KIAA1328: variants seen among roughly 807,000 people sequenced by gnomAD.
KIAA1328 encodes the protein KIAA1328, also known as protein hinderin.
KIAA1328 carries 52 observed loss-of-function variants against 68.1 expected under a neutral mutation model. The ratio of observed to expected loss-of-function variants is 0.76; its 90% confidence interval spans 0.61 to 0.96. The LOEUF (loss-of-function observed/expected upper bound fraction) is 0.96. Ranked by LOEUF, KIAA1328 falls within the 40% of genes least tolerant of loss-of-function variation. The probability of loss-of-function intolerance (pLI) is 0.00; values close to 1 mark genes in which losing one functional copy is unlikely to be tolerated. For synonymous variants in KIAA1328, 232 were observed against 239.4 expected (o/e 0.97, Z 0.28); for missense variants, 641 against 677.6 (o/e 0.95, Z 0.60).
At chr18:37,197,235 GT>G (rs1322746534) in intron 9 of KIAA1328, among the ~76,000 whole-genome samples, 3 of 151,792 alleles carry the variant, frequency 2.0e-5, no homozygotes, top group African/African-American at 7.3e-5. Flanking sequence ...CTAGCTAAAA[GT>G]TTGTTGATTT....
intron 6 of KIAA1328, among the ~76,000 whole-genome samples, chr18:37,003,857 T>A (rs1411776525): frequency 6.6e-6 from 1 of 152,096 alleles, no homozygotes; most frequent in Non-Finnish European, 1.5e-5. Flanking sequence ...CTTTCCCCAC[T>A]TGCTGTTTTT....
intron 5 of KIAA1328, chr18:36,954,463 C>A (rs1489513040): frequency 1.3e-5 from 2 of 152,034 alleles, no homozygotes; most frequent in East Asian, 3.9e-4. Context: ...TGAGTATTGA[C>A]CACCAGATTG....
chr18:37,201,872 T>G (rs889055657), intron 9 of KIAA1328, among the ~76,000 whole-genome samples: 4 of 152,200 alleles, frequency 2.6e-5, no homozygotes, highest in Non-Finnish European at 5.9e-5. Context: ...GGAACTGTAT[T>G]GACAAGGTAC....
Position 36,881,258 on chromosome 18 carries a change from G to A in KIAA1328, c.333-4299G>A, listed in dbSNP as rs181146622. Among the ~76,000 whole-genome samples, 382 of 150,456 alleles carry A rather than the reference G, an allele frequency of 2.5e-3. 1 individual carries two copies. Among genetic ancestry groups the A allele is most frequent in the Non-Finnish European group, 4.0e-3 (269 of 67,718 alleles). ...TCTTGAAAAATGGGTTTTATTCTTC[G>A]AGTTTTTAAAACAGTGTGTACTTTT... On this transcript the variant is annotated intron_variant, in intron 4 of 9. Coordinates refer to ENST00000280020, the MANE Select transcript of KIAA1328 (RefSeq NM_020776.3).
intron 6 of KIAA1328, among the ~76,000 whole-genome samples, chr18:37,030,536 G>A (rs1341262990): frequency 6.6e-6 from 1 of 151,936 alleles, no homozygotes; most frequent in Non-Finnish European, 1.5e-5. Context: ...TCAATATCTT[G>A]AAATTATTGA....
chr18:37,040,662 C>CT (rs1011523285), intron 6 of KIAA1328, among the ~76,000 whole-genome samples: 143 of 150,350 alleles, frequency 9.5e-4, no homozygotes, highest in Non-Finnish European at 1.7e-3. Flanking sequence ...TGACTTAAAT[C>CT]TTTTTTTTTC....
At chr18:36,955,466 C>T (rs1289170327) in intron 5 of KIAA1328, among the ~76,000 whole-genome samples, 1 of 151,936 alleles carries the variant, frequency 6.6e-6, no homozygotes, top group Non-Finnish European at 1.5e-5. Context: ...CCTGCCACCA[C>T]AGCCAGCTAA....
At chr18:37,132,527 T>C (rs1303588169) in intron 7 of KIAA1328, among the ~76,000 whole-genome samples, 2 of 152,206 alleles carry the variant, frequency 1.3e-5, no homozygotes, top group African/African-American at 4.8e-5. Context: ...CCAATTGGAA[T>C]TGGAACTCCT....
intron 8 of KIAA1328, among the ~76,000 whole-genome samples, chr18:37,170,279 G>T (rs1444957643): frequency 6.6e-6 from 1 of 152,098 alleles, no homozygotes; most frequent in East Asian, 1.9e-4. Context: ...GAGCCAAACA[G>T]ACCTTGATTG....
intron 9 of KIAA1328, among the ~76,000 whole-genome samples, chr18:37,215,064 G>A (rs954048250): frequency 1.3e-5 from 2 of 152,168 alleles, no homozygotes; most frequent in Non-Finnish European, 2.9e-5. Flanking sequence ...AGATGATGGG[G>A]TTTTCTAAAT....
chr18:36,959,491 A>T (rs1443367795), intron 6 of KIAA1328, 56 bp downstream of exon 6: 1 of 1,549,344 alleles, frequency 6.5e-7, no homozygotes, highest in East Asian at 2.3e-5. Context: ...AGATGTCAGA[A>T]GAGCCATTTG....
chr18:36,893,469 G>T (rs1399084157), intron 5 of KIAA1328, among the ~76,000 whole-genome samples: 55 of 141,730 alleles, frequency 3.9e-4, no homozygotes, highest in Non-Finnish European at 7.7e-4. Flanking sequence ...GTGTTTTTGT[G>T]TGTGTGTGTG....
At chr18:36,969,609 A>G (rs2052090506) in intron 6 of KIAA1328, among the ~76,000 whole-genome samples, 1 of 152,204 alleles carries the variant, frequency 6.6e-6, no homozygotes, top group Non-Finnish European at 1.5e-5. Context: ...ATCTCTACAC[A>G]TACCAATAAT....
rs1426990622 is a variant in KIAA1328, at chr18:37,048,849, G to A, written c.577-18041G>A. Among the ~76,000 whole-genome samples, 2 of 152,132 alleles carry A rather than the reference G, an allele frequency of 1.3e-5. 1 individual carries two copies. Among genetic ancestry groups the A allele is most frequent in the Non-Finnish European group, 2.9e-5 (2 of 68,016 alleles). Reference sequence around the variant, plus strand: ...ATAAGTTACCTGTTAAGTTCCTTAGGATACAAGTTAGTCCATTTAGCTGTT... The same window carrying A: ...ATAAGTTACCTGTTAAGTTCCTTAGAATACAAGTTAGTCCATTTAGCTGTT... On this transcript the variant is annotated intron_variant, in intron 6 of 9. Coordinates refer to ENST00000280020, the MANE Select transcript of KIAA1328 (RefSeq NM_020776.3).
intron 7 of KIAA1328, among the ~76,000 whole-genome samples, chr18:37,093,860 G>T (rs1599238468): frequency 6.6e-6 from 1 of 152,076 alleles, no homozygotes; most frequent in East Asian, 1.9e-4. Context: ...ACTATCAAAA[G>T]GCAAAGGCAA....
At chr18:36,885,756 C>A in intron 5 of KIAA1328, 84 bp downstream of exon 5, 1 of 885,752 alleles carries the variant, frequency 1.1e-6, no homozygotes, top group Non-Finnish European at 1.7e-6. Context: ...TCGCTCTTGT[C>A]GCCTAGGCTG....
At chr18:37,193,713 G>A (rs1465520068) in intron 9 of KIAA1328, 1 of 665,978 alleles carries the variant, frequency 1.5e-6, no homozygotes, top group Non-Finnish European at 2.7e-6. Context: ...TGTCCAGCTG[G>A]GTTAAATACT....
At position 37,067,160 on chromosome 18, in the gene KIAA1328, G is replaced by A. The variant is rs1488460691; in HGVS notation, c.847G>A (p.Glu283Lys). 5.6e-6 allele frequency: 9 copies of A among 1,614,018 alleles called. No homozygotes were observed. Among genetic ancestry groups the A allele is most frequent in the South Asian group, 1.1e-5 (1 of 91,084 alleles). Residue 283 changes from glutamate to lysine, a missense_variant, in exon 7 of 10, where the codon GAG becomes AAG. By Grantham distance (56) the Glu-to-Lys change is moderately conservative. Coordinates refer to ENST00000280020, the MANE Select transcript of KIAA1328 (RefSeq NM_020776.3). Reference sequence around the variant, plus strand: ...AGGGAGAAAACCTGCAGTCCCAACAGAGAAAATGCCACAAGAAGAATTGCA... The same window carrying A: ...AGGGAGAAAACCTGCAGTCCCAACAAAGAAAATGCCACAAGAAGAATTGCA... ...SPGRKPAVPT[E>K]KMPQEELHMK...
At chr18:37,087,980 G>C (rs1304449483) in intron 7 of KIAA1328, among the ~76,000 whole-genome samples, 3 of 152,186 alleles carry the variant, frequency 2.0e-5, no homozygotes, top group Non-Finnish European at 4.4e-5. Context: ...GGGACAGATA[G>C]AGGAGGACAC....
Sources: gnomAD v4.1 joint callset for allele counts (sites outside exome capture counted in the v4.1 genomes callset) on GRCh38, gnomAD v4.1.1 for gene constraint, MANE v1.5 for transcripts, NCBI Gene and HGNC (gene_info 2026-07-23, HGNC 2026-07-21) for gene names.